The following IL1RN variants were observed in gnomAD, a reference collection of about 807,000 sequenced individuals.
The protein encoded by IL1RN is interleukin 1 receptor antagonist.
Under a neutral mutation model 13.7 loss-of-function variants are expected in IL1RN, and 10 were observed. That is an observed-to-expected ratio of 0.73 (90% CI 0.45 to 1.24). IL1RN has a LOEUF of 1.24. IL1RN is among the 50% of genes most tolerant of loss of function. The pLI, the probability that IL1RN is intolerant of heterozygous loss-of-function variation, is 0.00. For missense variants in IL1RN, 213 were observed against 222.1 expected, an observed-to-expected ratio of 0.96 and a Z score of 0.26; for synonymous variants, 102 against 82.7, an observed-to-expected ratio of 1.23 and a Z score of -1.27.
the IL1RN span, among the ~76,000 whole-genome samples, chr2:113,099,672 C>A: frequency 6.7e-6 from 1 of 149,498 alleles, no homozygotes; most frequent in South Asian, 2.1e-4. Flanking sequence ...GTGGGAGCTG[C>A]AAATTAGTCC....
At chr2:113,128,986 G>T (rs147510199) in intron 1 of IL1RN, among the ~76,000 whole-genome samples, 1 of 152,234 alleles carries the variant, frequency 6.6e-6, no homozygotes. Context: ...GCTAATGGAG[G>T]AAAGGCTCTA....
At chr2:113,108,383 T>G (rs1238958082), upstream of IL1RN, among the ~76,000 whole-genome samples, 1 of 152,024 alleles carries the variant, frequency 6.6e-6, no homozygotes, top group Non-Finnish European at 1.5e-5. Flanking sequence ...TAGCATTAGG[T>G]ATATCTCCTA....
chr2:113,129,615 C>G lies in IL1RN; in HGVS notation c.156C>G (p.Asn52Lys), dbSNP rs1022748861. The G allele has an allele frequency of 1.2e-6, 2 of 1,613,222 alleles. No individual in the cohort carries two copies. Among genetic ancestry groups the G allele is most frequent in the South Asian group, 1.1e-5 (1 of 91,072 alleles). ...DVNQKTFYLR[N>K]NQLVAGYLQG... is the part of the protein sequence containing the mutation. ...ACCAGAAGACCTTCTATCTGAGGAA[C>G]AACCAACTAGTTGCTGGATACTTGC... The change falls in exon 2 of 4, where the codon AAC (asparagine) becomes AAG (lysine). Residue 52 changes from asparagine to lysine, a missense_variant. Transcript: ENST00000409930.
intron 2 of IL1RN, chr2:113,130,064 G>A: frequency 4.0e-6 from 1 of 248,042 alleles, no homozygotes; most frequent in South Asian, 5.3e-5. Flanking sequence ...TCTTATTCCT[G>A]GACACCATAC....
At chr2:113,118,239 A>G (rs992934009) in intron 1 of IL1RN, among the ~76,000 whole-genome samples, 2 of 152,244 alleles carry the variant, frequency 1.3e-5, no homozygotes, top group Non-Finnish European at 2.9e-5. Flanking sequence ...CTGCAAGCCT[A>G]GTGCCTGCTG....
chr2:113,127,787 A>T (rs1687016659), intron 1 of IL1RN, 47 bp downstream of exon 1: 1 of 1,589,080 alleles, frequency 6.3e-7, no homozygotes, highest in Non-Finnish European at 8.6e-7. Flanking sequence ...TCAGCTGGAG[A>T]CTGGAAACAT....
In IL1RN at chr2:113,131,027, C is replaced by T; in HGVS notation, c.206-18C>T. 6.8e-7 allele frequency: 1 copy of T among 1,475,228 alleles called. No individual in the cohort carries two copies. Among genetic ancestry groups the T allele is most frequent in the Non-Finnish European group, 9.5e-7 (1 of 1,053,046 alleles). 91.4% of individuals were successfully genotyped at this position (1,475,228 alleles called of 1,614,324 possible). Reference sequence around the variant, plus strand: ...TTCCTCTTCTATTAACCTGACCCTCCCCTCTGTTCTTCCCCAGAAAAGATA... The same window carrying T: ...TTCCTCTTCTATTAACCTGACCCTCTCCTCTGTTCTTCCCCAGAAAAGATA... On this transcript the variant is annotated intron_variant, in intron 2 of 3. Coordinates refer to ENST00000409930, the MANE Select transcript of IL1RN (RefSeq NM_173842.3).
upstream of IL1RN, among the ~76,000 whole-genome samples, chr2:113,109,763 C>CA (rs55942804): frequency 0.38 from 51,306 of 136,468 alleles, 9,477 homozygotes; most frequent in Middle Eastern, 0.51. Context: ...ATTATGACTG[C>CA]AAAAAAAAAA....
chr2:113,120,604 T>C (rs1013355189), intron 2 of IL1RN, among the ~76,000 whole-genome samples: 2 of 152,032 alleles, frequency 1.3e-5, no homozygotes, highest in African/African-American at 2.4e-5. Context: ...GTCAAGAAAG[T>C]CCTGGACAAA....
Position 113,132,907 on chromosome 2 carries a change from G to A in IL1RN, c.*36G>A. On this transcript the variant is annotated 3_prime_UTR_variant, in exon 4 of 4. Transcript: ENST00000409930. ...GCCTGCCTGTTCCCATTCTTGCATG[G>A]CAAGGACTGCAGGGACTGCCAGTCC... 1 of 1,596,200 alleles carries A rather than the reference G, an allele frequency of 6.3e-7. No individual in the cohort carries two copies. Among genetic ancestry groups the A allele is most frequent in the Non-Finnish European group, 8.6e-7 (1 of 1,163,870 alleles).
At chr2:113,131,262 T>A (rs1687160521) in intron 3 of IL1RN, 105 bp downstream of exon 3, 4 of 755,408 alleles carry the variant, frequency 5.3e-6, no homozygotes, top group Admixed American at 1.9e-5. Flanking sequence ...AGCTGGGTAG[T>A]TCTGTTCCAT....
chr2:113,105,177 T>A (rs796587233), upstream of IL1RN, among the ~76,000 whole-genome samples: 4 of 152,100 alleles, frequency 2.6e-5, no homozygotes, highest in African/African-American at 9.7e-5. Flanking sequence ...TAGAAAGGCA[T>A]GAAGATGGTG....
intron 1 of IL1RN, among the ~76,000 whole-genome samples, chr2:113,128,670 A>G (rs1246061398): frequency 1.3e-5 from 2 of 152,204 alleles, no homozygotes; most frequent in African/African-American, 4.8e-5. Context: ...CAATGCTGCC[A>G]TATGCAAAGC....
intron 3 of IL1RN, 134 bp from the exon 4 acceptor site, chr2:113,132,521 GC>G: frequency 2.7e-6 from 2 of 747,688 alleles, no homozygotes; most frequent in Non-Finnish European, 4.7e-6. Flanking sequence ...GCACCTGGGG[GC>G]TTTTAGGGTA....
chr2:113,125,308 C>G (rs1308529269), upstream of IL1RN, among the ~76,000 whole-genome samples: 1 of 152,252 alleles, frequency 6.6e-6, no homozygotes, highest in Non-Finnish European at 1.5e-5. Flanking sequence ...GGTTCATATA[C>G]ATCATCTCCT....
chr2:113,101,880 G>T, the IL1RN span, among the ~76,000 whole-genome samples: 1 of 152,072 alleles, frequency 6.6e-6, no homozygotes, highest in African/African-American at 2.4e-5. Flanking sequence ...TGATTCTCCT[G>T]CCTCAGCCTC....
chr2:113,123,920 C>T (rs1686865223), upstream of IL1RN, among the ~76,000 whole-genome samples: 1 of 152,234 alleles, frequency 6.6e-6, no homozygotes, highest in South Asian at 2.1e-4. Flanking sequence ...AAATAGCCAA[C>T]ATCTATTGAA....
upstream of IL1RN, among the ~76,000 whole-genome samples, chr2:113,105,106 G>A (rs946414486): frequency 3.3e-5 from 5 of 152,204 alleles, no homozygotes; most frequent in Admixed American, 6.5e-5. Context: ...CCTCGTAGCT[G>A]GGCTCAGGGG....
intron 2 of IL1RN, 176 bp downstream of exon 2, chr2:113,129,840 CA>C (rs1389271392): frequency 1.6e-6 from 1 of 625,578 alleles, no homozygotes; most frequent in Non-Finnish European, 3.0e-6. Flanking sequence ...CATATGAGGG[CA>C]GCCTGAAGAG....
Sources: allele counts gnomAD v4.1 joint callset (sites outside exome capture counted in the v4.1 genomes callset), GRCh38; gene constraint gnomAD v4.1.1; transcripts MANE v1.5; gene names NCBI Gene and HGNC (gene_info 2026-07-23, HGNC 2026-07-21).